LMF1: variants seen among roughly 807,000 people sequenced by gnomAD.
LMF1 encodes the protein lipase maturation factor 1, also known as transmembrane protein 112.
In LMF1, 68 loss-of-function variants were observed where a neutral mutation model predicts 60.6. That is an observed-to-expected ratio of 1.12 (90% CI 0.92 to 1.37). The LOEUF is 1.37. Among genes scored for constraint, LMF1 ranks in the 40% most tolerant of loss-of-function variants. The pLI is 0.00. For missense variants in LMF1, 948 were observed against 767.2 expected (o/e 1.24, Z -2.78); for synonymous variants, 418 against 324.7 (o/e 1.29, Z -3.09).
At position 874,074 on chromosome 16, in the gene LMF1, G is replaced by T. The variant is rs893269384; in HGVS notation, c.898-2733C>A. On this transcript the variant is annotated intron_variant, in intron 6 of 10. Coordinates refer to ENST00000262301, the MANE Select transcript of LMF1 (RefSeq NM_022773.4). The surrounding 1 kb of genome is among the most constrained non-coding windows in gnomAD (Gnocchi z 4.1). ...GAGGGTCTCCTTTGCCGGGTGTGGG[G>T]GGGGTATGGGAAGTTCTGGAACCAG... 6.6e-6 allele frequency among the ~76,000 whole-genome samples: 1 copy of T among 152,228 alleles called. No homozygotes were observed. The highest frequency in any genetic ancestry group is 6.5e-5 in the Admixed American group (1 of 15,288).
At position 954,415 on chromosome 16, in the gene LMF1, G is replaced by C. The variant is rs755942630; in HGVS notation, c.445C>G (p.Leu149Val). Residue 149 changes from leucine to valine, a missense_variant, in exon 2 of 11, where the codon CTT (leucine) becomes GTT (valine). Physicochemically the swap from Leu to Val is conservative, Grantham distance 32 (BLOSUM62 1). Transcript: ENST00000262301. The part of the protein sequence containing the change: ...FVLITGCANM[L>V]LMAALWGLYM... The stretch of plus-strand genomic sequence containing the variant: ...AGGCCCCACAGGGCAGCCATGAGAA[G>C]CATGTTGGCGCAGCCCGTGATCAGT... The C allele has an allele frequency of 8.7e-6, 14 of 1,613,092 alleles. No homozygotes were observed. In the South Asian group the frequency reaches 1.4e-4, roughly 16 times the overall value.
chr16:859,340 GC>G (rs11358738), intron 10 of LMF1, among the ~76,000 whole-genome samples: 2 of 1,416 alleles, frequency 1.4e-3, no homozygotes, highest in East Asian at 0.023. Context: ...GGACGGGTGT[GC>G]AGTGGTGTCT....
At chr16:918,836 A>AACCCGACTCTCACGCGGGGCCAGCG (rs1567237661) in intron 3 of LMF1, among the ~76,000 whole-genome samples, 33 of 136,242 alleles carry the variant, frequency 2.4e-4, no homozygotes, top group African/African-American at 7.4e-4. Context: ...CGGGGCCGGC[A>AACCCGACTCTCACGCGGGGCCAGCG]TCCCGGGGCG....
chr16:979,983 G>A, intron 1 of LMF1: 2 of 346,422 alleles, frequency 5.8e-6, no homozygotes, highest in South Asian at 2.2e-5. Flanking sequence ...GGAGGTGTGG[G>A]TCTTCCCAGG....
chr16:880,401 G>T (rs1442326815), intron 5 of LMF1, among the ~76,000 whole-genome samples: 2 of 152,232 alleles, frequency 1.3e-5, no homozygotes, highest in African/African-American at 4.8e-5. Context: ...GCCAGGCACG[G>T]TGGCTCATGC....
chr16:882,513 C>A (rs917894478), intron 5 of LMF1, among the ~76,000 whole-genome samples: 1 of 152,250 alleles, frequency 6.6e-6, no homozygotes, highest in Non-Finnish European at 1.5e-5. Context: ...ACAAGTGAAG[C>A]CTTCCTGGAC....
upstream of LMF1, among the ~76,000 whole-genome samples, chr16:974,192 G>A (rs1020496398): frequency 1.3e-5 from 2 of 152,180 alleles, no homozygotes; most frequent in Non-Finnish European, 2.9e-5. Flanking sequence ...AGATACAGGT[G>A]TGTCTTATTC....
chr16:912,529 C>T (rs972934745), intron 3 of LMF1, among the ~76,000 whole-genome samples: 5 of 152,228 alleles, frequency 3.3e-5, no homozygotes, highest in Non-Finnish European at 7.3e-5. Flanking sequence ...ATAAGCAGAT[C>T]GGCGTGAGTG....
At chr16:970,450 G>C (rs1388153540) in intron 1 of LMF1, among the ~76,000 whole-genome samples, 1 of 152,196 alleles carries the variant, frequency 6.6e-6, no homozygotes, top group East Asian at 1.9e-4. Context: ...AGCTCTCCTG[G>C]GAACTCCTGG....
intron 1 of LMF1, 55 bp downstream of exon 1, chr16:970,733 G>C (rs540608712): frequency 1.4e-6 from 2 of 1,451,742 alleles, no homozygotes; most frequent in African/African-American, 1.5e-5. Flanking sequence ...GAGGGCGGGG[G>C]TCGTGGTGCG....
upstream of LMF1, chr16:975,923 G>C: frequency 2.2e-6 from 1 of 453,506 alleles, no homozygotes; most frequent in Non-Finnish European, 4.4e-6. Context: ...TTCCCTCCTG[G>C]TTATACTTGA....
intron 2 of LMF1, among the ~76,000 whole-genome samples, chr16:949,300 G>A (rs1416695237): frequency 1.5e-5 from 2 of 135,072 alleles, no homozygotes; most frequent in African/African-American, 5.6e-5. Context: ...CAATGACAGA[G>A]TCAGAGACAA....
intron 2 of LMF1, among the ~76,000 whole-genome samples, chr16:950,668 G>C (rs1410134387): frequency 1.3e-5 from 2 of 148,822 alleles, no homozygotes; most frequent in South Asian, 2.1e-4. Flanking sequence ...GACAGAATCA[G>C]AGACAATGAC....
At chr16:869,446 C>A (rs754044998) in intron 9 of LMF1, 2 of 544,974 alleles carry the variant, frequency 3.7e-6, no homozygotes, top group South Asian at 3.1e-5. Flanking sequence ...CTTTCCTGTT[C>A]GCTGAGACAG....
intron 4 of LMF1, chr16:902,626 C>G (rs1163372607): frequency 5.6e-6 from 1 of 178,716 alleles, no homozygotes; most frequent in Non-Finnish European, 1.2e-5. Flanking sequence ...TGGTGGTGAC[C>G]TCTGCATCGC....
intron 3 of LMF1, among the ~76,000 whole-genome samples, chr16:913,095 G>C (rs2071167321): frequency 1.3e-5 from 2 of 152,224 alleles, no homozygotes; most frequent in African/African-American, 4.8e-5. Context: ...CCGTTGCGCA[G>C]CTGCACGCGC....
At chr16:881,025 G>A (rs926058186) in intron 5 of LMF1, among the ~76,000 whole-genome samples, 1 of 152,230 alleles carries the variant, frequency 6.6e-6, no homozygotes, top group Non-Finnish European at 1.5e-5. Flanking sequence ...GAGGGAGGCG[G>A]CCCCCAGACG....
At chr16:956,092 G>A (rs1403149719) in intron 1 of LMF1, among the ~76,000 whole-genome samples, 1 of 94,066 alleles carries the variant, frequency 1.1e-5, no homozygotes, top group East Asian at 2.8e-4. Flanking sequence ...ACAGGTCTCC[G>A]AGTTCATGTC....
chr16:939,819 G>C (rs2072047188), intron 2 of LMF1, among the ~76,000 whole-genome samples: 1 of 152,234 alleles, frequency 6.6e-6, no homozygotes, highest in Non-Finnish European at 1.5e-5. Flanking sequence ...AATAAAACAG[G>C]GTGCGCAGTC....
Sources: gnomAD v4.1 joint callset for allele counts (sites outside exome capture counted in the v4.1 genomes callset) on GRCh38, gnomAD v4.1.1 for gene constraint, Gnocchi (gnomAD v3.1) non-coding constraint, MANE v1.5 for transcripts, NCBI Gene and HGNC (gene_info 2026-07-23, HGNC 2026-07-21) for gene names.